The following PHLPP1 variants were observed in gnomAD, a reference collection of about 807,000 sequenced individuals.
PHLPP1 encodes the protein PH domain and leucine rich repeat protein phosphatase 1, also known as PH domain leucine-rich repeat-containing protein phosphatase 1.
In PHLPP1, 42 loss-of-function variants were observed where a neutral mutation model predicts 117.2. That is an observed-to-expected ratio of 0.36 (90% CI 0.28 to 0.46). The LOEUF (loss-of-function observed/expected upper bound fraction) is 0.46, where lower values mean the gene tolerates loss of function less well. Among genes scored for constraint, PHLPP1 ranks in the 20% least tolerant of loss-of-function variants. The probability of loss-of-function intolerance (pLI) is 1.00; values close to 1 mark genes in which losing one functional copy is unlikely to be tolerated. For missense variants in PHLPP1, 2,084 were observed against 2,241.9 expected, an observed-to-expected ratio of 0.93 and a Z score of 1.42; for synonymous variants, 1,042 against 970.7, an observed-to-expected ratio of 1.07 and a Z score of -1.37.
At chr18:62,943,359 T>G (rs1402028901) in intron 11 of PHLPP1, among the ~76,000 whole-genome samples, 1 of 152,198 alleles carries the variant, frequency 6.6e-6, no homozygotes, top group East Asian at 1.9e-4. Flanking sequence ...GTTGCTGAAT[T>G]AAAGAACGGG....
chr18:62,889,303 A>G (rs1427868981), intron 4 of PHLPP1, among the ~76,000 whole-genome samples: 1 of 152,230 alleles, frequency 6.6e-6, no homozygotes, highest in Non-Finnish European at 1.5e-5. Context: ...TTTAAGTCAG[A>G]ATCAGCTCTT....
intron 1 of PHLPP1, among the ~76,000 whole-genome samples, chr18:62,812,944 G>C (rs1307801367): frequency 1.3e-5 from 2 of 152,138 alleles, no homozygotes; most frequent in Non-Finnish European, 2.9e-5. Flanking sequence ...GTGTTTCAGT[G>C]ATTATTCCAA....
In PHLPP1 at chr18:62,791,624, C is replaced by T. The variant is rs916737391; in HGVS notation, c.1577-38411C>T. On this transcript the variant is annotated intron_variant, in intron 1 of 16. Transcript: ENST00000262719. ...CTTGCTGTTTTTTATGATCTTTAAA[C>T]AAGTACTCTAAATTTATTAGCTGAG... 3.6e-4 allele frequency among the ~76,000 whole-genome samples: 55 copies of T among 152,136 alleles called. 1 individual carries two copies. Among genetic ancestry groups the T allele is most frequent in the African/African-American group, 1.3e-3 (53 of 41,434 alleles).
At chr18:62,891,609 G>T (rs1319053499) in intron 4 of PHLPP1, among the ~76,000 whole-genome samples, 1 of 151,546 alleles carries the variant, frequency 6.6e-6, no homozygotes, top group Non-Finnish European at 1.5e-5. Flanking sequence ...AATATTTTAG[G>T]GTAGGCACGA....
At chr18:62,975,916 C>T (rs1224244918) in intron 16 of PHLPP1, among the ~76,000 whole-genome samples, 5 of 152,228 alleles carry the variant, frequency 3.3e-5, no homozygotes, top group African/African-American at 7.2e-5. Context: ...GGGCTCTACC[C>T]CTGACATCAC....
intron 1 of PHLPP1, among the ~76,000 whole-genome samples, chr18:62,803,872 T>C (rs1230272029): frequency 6.6e-6 from 1 of 152,228 alleles, no homozygotes; most frequent in Non-Finnish European, 1.5e-5. Flanking sequence ...GGTCTTAAGC[T>C]CAACCGTTGT....
chr18:62,878,589 G>A (rs1256814712), intron 4 of PHLPP1, among the ~76,000 whole-genome samples: 2 of 152,172 alleles, frequency 1.3e-5, no homozygotes, highest in Admixed American at 6.5e-5. Context: ...TGGTGAGGAT[G>A]ATGACACCAG....
At chr18:62,958,596 T>C (rs775113473) in intron 12 of PHLPP1, 33 bp from the exon 13 acceptor site, 1 of 1,611,646 alleles carries the variant, frequency 6.2e-7, no homozygotes. Context: ...CTCTAGACCA[T>C]CTCTTTCTTG....
intron 1 of PHLPP1, among the ~76,000 whole-genome samples, chr18:62,829,608 G>C (rs1914700427): frequency 6.6e-6 from 1 of 152,010 alleles, no homozygotes; most frequent in Non-Finnish European, 1.5e-5. Flanking sequence ...AAAAAATTTA[G>C]TCGTGTGGTG....
intron 1 of PHLPP1, among the ~76,000 whole-genome samples, chr18:62,814,782 C>T (rs1282951295): frequency 1.3e-5 from 2 of 152,032 alleles, no homozygotes; most frequent in Non-Finnish European, 2.9e-5. Context: ...TGTTTTTGAC[C>T]ATTTCTAGTT....
At chr18:62,937,925 T>G (rs1261639296) in intron 10 of PHLPP1, among the ~76,000 whole-genome samples, 2 of 152,114 alleles carry the variant, frequency 1.3e-5, no homozygotes, top group East Asian at 3.9e-4. Context: ...GGTGGGAGAA[T>G]TGCTTGAACC....
At chr18:62,761,761 CT>C (rs1309135453) in intron 1 of PHLPP1, among the ~76,000 whole-genome samples, 1 of 151,816 alleles carries the variant, frequency 6.6e-6, no homozygotes, top group African/African-American at 2.4e-5. Flanking sequence ...TGATACATTT[CT>C]GTAAGCATTT....
At chr18:62,958,366 ATAAAAT>A (rs1910678222) in intron 12 of PHLPP1, among the ~76,000 whole-genome samples, 2 of 152,364 alleles carry the variant, frequency 1.3e-5, no homozygotes, top group South Asian at 4.1e-4. Context: ...AAACGTGGAG[ATAAAAT>A]TAAGTGAAAA....
intron 4 of PHLPP1, among the ~76,000 whole-genome samples, chr18:62,863,795 C>T (rs1915694146): frequency 6.6e-6 from 1 of 152,028 alleles, no homozygotes; most frequent in Non-Finnish European, 1.5e-5. Context: ...TTTACCGCAT[C>T]CTGTTTTATC....
chr18:62,926,606 A>G (rs949679735), intron 10 of PHLPP1, among the ~76,000 whole-genome samples: 1 of 152,134 alleles, frequency 6.6e-6, no homozygotes, highest in African/African-American at 2.4e-5. Context: ...CACCACGATG[A>G]TTCTCAACTC....
chr18:62,950,861 C>G (rs1342313205), intron 12 of PHLPP1, among the ~76,000 whole-genome samples: 1 of 152,156 alleles, frequency 6.6e-6, no homozygotes, highest in African/African-American at 2.4e-5. Flanking sequence ...GCAGTGTCTA[C>G]TGGAAAGTGG....
intron 1 of PHLPP1, among the ~76,000 whole-genome samples, chr18:62,795,441 T>C (rs1913599845): frequency 7.3e-6 from 1 of 136,892 alleles, no homozygotes; most frequent in South Asian, 2.2e-4. Flanking sequence ...CGAGCCAAGC[T>C]GAGATCACAC....
chr18:62,856,142 GT>G (rs1432566881), intron 3 of PHLPP1, among the ~76,000 whole-genome samples: 3 of 152,136 alleles, frequency 2.0e-5, no homozygotes, highest in African/African-American at 7.2e-5. Context: ...GGCATTTTAT[GT>G]CAGGGACTTG....
intron 14 of PHLPP1, among the ~76,000 whole-genome samples, chr18:62,966,478 T>G (rs1002859575): frequency 4.1e-5 from 6 of 146,516 alleles, no homozygotes; most frequent in Admixed American, 3.4e-4. Flanking sequence ...TTTTTTTTTT[T>G]TTTTTTTTTT....
Sources: gnomAD v4.1 joint callset for allele counts (sites outside exome capture counted in the v4.1 genomes callset) on GRCh38, gnomAD v4.1.1 for gene constraint, MANE v1.5 for transcripts, NCBI Gene and HGNC (gene_info 2026-07-23, HGNC 2026-07-21) for gene names.